PTPRD: variants seen among roughly 807,000 people sequenced by gnomAD.
The protein encoded by PTPRD is protein tyrosine phosphatase receptor type D.
Under a neutral mutation model 214.5 loss-of-function variants are expected in PTPRD, and 34 were observed. That is an observed-to-expected ratio of 0.16 (90% CI 0.12 to 0.21). PTPRD has a LOEUF of 0.21. Among genes scored for constraint, PTPRD ranks in the 10% least tolerant of loss-of-function variants. The probability of loss-of-function intolerance (pLI) is 1.00; values close to 1 mark genes in which losing one functional copy is unlikely to be tolerated. For synonymous variants in PTPRD, 1,128 were observed against 845.7 expected (o/e 1.33, Z -5.79); for missense variants, 2,545 against 2,398.7 (o/e 1.06, Z -1.27).
intron 11 of PTPRD, among the ~76,000 whole-genome samples, chr9:8,779,814 G>GTTTTTTTTT (rs369478924): frequency 7.8e-6 from 1 of 128,468 alleles, no homozygotes; most frequent in Non-Finnish European, 1.7e-5. Flanking sequence ...TGTTTTGTTG[G>GTTTTTTTTT]TTTTTTTTTT....
intron 5 of PTPRD, among the ~76,000 whole-genome samples, chr9:9,890,777 G>A (rs1403767095): frequency 1.3e-5 from 2 of 151,980 alleles, no homozygotes; most frequent in Non-Finnish European, 2.9e-5. Context: ...CCAATTGGAA[G>A]GGGAAAGCAG....
chr9:9,947,414 T>A (rs13283772), intron 4 of PTPRD, among the ~76,000 whole-genome samples: 46 of 39,758 alleles, frequency 1.2e-3, no homozygotes, highest in African/African-American at 2.4e-3. Context: ...AATATATATT[T>A]TATATATATA....
chr9:10,201,670 AT>A (rs1293489651), intron 3 of PTPRD, among the ~76,000 whole-genome samples: 1 of 152,018 alleles, frequency 6.6e-6, no homozygotes, highest in Non-Finnish European at 1.5e-5. Flanking sequence ...TATCTTAGGT[AT>A]TGTGAATAAT....
chr9:9,212,989 C>T (rs2099949767), intron 9 of PTPRD, among the ~76,000 whole-genome samples: 1 of 152,154 alleles, frequency 6.6e-6, no homozygotes, highest in African/African-American at 2.4e-5. Context: ...ACTCCTATAA[C>T]TGTGACCTGT....
At chr9:10,268,163 T>A (rs1393926025) in intron 3 of PTPRD, among the ~76,000 whole-genome samples, 1 of 150,174 alleles carries the variant, frequency 6.7e-6, no homozygotes, top group South Asian at 2.1e-4. Context: ...GGTAGTGTGC[T>A]TGTTTAGTCT....
At chr9:9,895,747 T>C (rs1025528237) in intron 5 of PTPRD, among the ~76,000 whole-genome samples, 7 of 152,092 alleles carry the variant, frequency 4.6e-5, no homozygotes, top group Admixed American at 1.3e-4. Flanking sequence ...TTTCTTCAAA[T>C]TGTAAAATGA....
At chr9:8,842,548 T>A (rs968003826) in intron 11 of PTPRD, among the ~76,000 whole-genome samples, 7 of 152,102 alleles carry the variant, frequency 4.6e-5, no homozygotes, top group Admixed American at 3.9e-4. Context: ...TATACTTAAC[T>A]CTCACCTAGT....
intron 7 of PTPRD, among the ~76,000 whole-genome samples, chr9:9,730,886 C>T (rs1206255471): frequency 6.6e-6 from 1 of 151,946 alleles, no homozygotes; most frequent in Non-Finnish European, 1.5e-5. Context: ...ACGGTGAAAG[C>T]TTGAAAATTC....
rs138526516 is a variant in PTPRD, at chr9:8,918,940, C to G, written c.-104+99757G>C. 7.2e-5 allele frequency among the ~76,000 whole-genome samples: 11 copies of G among 152,168 alleles called. No homozygotes were observed. In the East Asian group the frequency reaches 2.1e-3, roughly 29 times the overall value. On this transcript the variant is annotated intron_variant, in intron 11 of 45. Coordinates refer to ENST00000381196, the MANE Select transcript of PTPRD (RefSeq NM_002839.4). Reference sequence around the variant, plus strand: ...AATTAGGAATGGTCTGTTAACAAACCTCAGAACACCTACAAAGTTCGACTG... The same window carrying G: ...AATTAGGAATGGTCTGTTAACAAACGTCAGAACACCTACAAAGTTCGACTG...
chr9:9,709,560 A>G lies in PTPRD; in HGVS notation c.-287+24973T>C, dbSNP rs78068056. Among the ~76,000 whole-genome samples, 9 of 152,192 alleles carry G rather than the reference A, an allele frequency of 5.9e-5. No individual in the cohort carries two copies. In the East Asian group the frequency reaches 7.7e-4, roughly 13 times the overall value. On this transcript the variant is annotated intron_variant, in intron 7 of 45. Transcript: ENST00000381196. ...TTTATGGTATTCATTTCCATTTCAC[A>G]TAAGCAATCTATCTTAATACATACT...
At chr9:9,210,404 A>C (rs1178789479) in intron 9 of PTPRD, among the ~76,000 whole-genome samples, 1 of 152,188 alleles carries the variant, frequency 6.6e-6, no homozygotes, top group Non-Finnish European at 1.5e-5. Context: ...CATTCCAAAG[A>C]TACTTTGGGA....
intron 3 of PTPRD, among the ~76,000 whole-genome samples, chr9:10,124,036 G>C (rs1011920480): frequency 6.6e-6 from 1 of 152,198 alleles, no homozygotes; most frequent in Non-Finnish European, 1.5e-5. Flanking sequence ...GAACATCTGA[G>C]TTTTATTGCT....
chr9:9,935,565 G>T (rs200121255), intron 5 of PTPRD, among the ~76,000 whole-genome samples: 83 of 151,894 alleles, frequency 5.5e-4, no homozygotes, highest in Admixed American at 4.8e-3. Context: ...CAATGCTCAA[G>T]GAAATAAAAG....
intron 44 of PTPRD, among the ~76,000 whole-genome samples, chr9:8,321,487 G>GTGTGTATATATATATA (rs1168847469): frequency 3.6e-4 from 16 of 44,524 alleles, no homozygotes; most frequent in Non-Finnish European, 4.6e-4. Flanking sequence ...GTGTGTGTGT[G>GTGTGTATATATATATA]TATATATATA....
intron 11 of PTPRD, among the ~76,000 whole-genome samples, chr9:8,857,037 A>T (rs888565920): frequency 6.6e-6 from 1 of 152,166 alleles, no homozygotes; most frequent in Non-Finnish European, 1.5e-5. Flanking sequence ...CTACGGAATG[A>T]ATGTGTGTGT....
chr9:10,087,910 T>A (rs1348856710), intron 3 of PTPRD, among the ~76,000 whole-genome samples: 1 of 151,774 alleles, frequency 6.6e-6, no homozygotes, highest in African/African-American at 2.4e-5. Flanking sequence ...AGCATAATCA[T>A]TTTGCAGACT....
At chr9:9,068,075 A>G (rs906112240) in intron 10 of PTPRD, among the ~76,000 whole-genome samples, 3 of 152,162 alleles carry the variant, frequency 2.0e-5, no homozygotes, top group African/African-American at 7.2e-5. Flanking sequence ...ATACATAAAT[A>G]CATTTAATAT....
At chr9:9,600,019 A>C (rs2093634645) in intron 7 of PTPRD, among the ~76,000 whole-genome samples, 1 of 151,990 alleles carries the variant, frequency 6.6e-6, no homozygotes, top group African/African-American at 2.4e-5. Flanking sequence ...TAATAGGTAA[A>C]ATGCATTCTA....
chr9:9,422,582 G>A (rs1290548669), intron 8 of PTPRD, among the ~76,000 whole-genome samples: 1 of 152,030 alleles, frequency 6.6e-6, no homozygotes, highest in Non-Finnish European at 1.5e-5. Context: ...TTTCTCCTTG[G>A]GACATGAGCT....
Sources: gnomAD v4.1 joint callset for allele counts (sites outside exome capture counted in the v4.1 genomes callset) on GRCh38, gnomAD v4.1.1 for gene constraint, MANE v1.5 for transcripts, NCBI Gene and HGNC (gene_info 2026-07-23, HGNC 2026-07-21) for gene names.